The following MRPS27 variants were observed in gnomAD, a reference collection of about 807,000 sequenced individuals.
MRPS27 encodes the protein small ribosomal subunit protein mS27.
Under a neutral mutation model 48.9 loss-of-function variants are expected in MRPS27, and 43 were observed. The observed-to-expected ratio is 0.88, with a 90% confidence interval of 0.69 to 1.13. The LOEUF (loss-of-function observed/expected upper bound fraction) is 1.13, where lower values mean the gene tolerates loss of function less well. Among genes scored for constraint, MRPS27 ranks in the 50% most tolerant of loss-of-function variants. The probability of loss-of-function intolerance (pLI) is 0.00; values close to 1 mark genes in which losing one functional copy is unlikely to be tolerated. For synonymous variants in MRPS27, 188 were observed against 171.9 expected, an observed-to-expected ratio of 1.09 and a Z score of -0.73; for missense variants, 467 against 476.3, an observed-to-expected ratio of 0.98 and a Z score of 0.18.
At chr5:72,317,949 C>T (rs1041077737) in intron 1 of MRPS27, among the ~76,000 whole-genome samples, 1 of 152,114 alleles carries the variant, frequency 6.6e-6, no homozygotes, top group East Asian at 1.9e-4. Flanking sequence ...TTTTGGCTTC[C>T]CTGGTCACAT....
chr5:72,238,877 T>C lies in MRPS27; in HGVS notation c.282-749A>G, dbSNP rs79808039. 3.7e-3 allele frequency among the ~76,000 whole-genome samples: 569 copies of C among 152,224 alleles called. 1 individual carries two copies. The highest frequency in any genetic ancestry group is 0.013 in the African/African-American group (550 of 41,554). On this transcript the variant is annotated intron_variant, in intron 4 of 10. Transcript: ENST00000261413. ...CTGCTTTTTCCTTAGTTCACGCACATTGCTAACACCTGGGATGGAAGCTGC... is the reference window on the plus strand; with the variant it reads ...CTGCTTTTTCCTTAGTTCACGCACACTGCTAACACCTGGGATGGAAGCTGC...
chr5:72,242,686 ACACACACACACACACACACACT>A (rs1345496429), intron 4 of MRPS27, among the ~76,000 whole-genome samples: 553 of 151,422 alleles, frequency 3.7e-3, no homozygotes, highest in African/African-American at 0.013. Flanking sequence ...ACACACACAC[ACACACACACACACACACACACT>A]CACGGCACTC....
chr5:72,238,968 A>C (rs781778700), intron 4 of MRPS27, among the ~76,000 whole-genome samples: 2 of 150,374 alleles, frequency 1.3e-5, no homozygotes, highest in Non-Finnish European at 2.9e-5. Flanking sequence ...ATGGGGGTGG[A>C]AAGGGCTCTG....
chr5:72,251,843 T>C (rs1748674139), intron 4 of MRPS27, among the ~76,000 whole-genome samples: 1 of 152,200 alleles, frequency 6.6e-6, no homozygotes, highest in South Asian at 2.1e-4. Flanking sequence ...CATTTGCTGC[T>C]GAGCAAGCCA....
chr5:72,232,497 T>C lies in MRPS27; in HGVS notation c.537A>G (p.Gln179=). 1 of 1,612,632 alleles carries C rather than the reference T, an allele frequency of 6.2e-7. No individual in the cohort carries two copies. The highest frequency in any genetic ancestry group is 2.2e-5 in the East Asian group (1 of 44,824). The stretch of plus-strand genomic sequence containing the variant: ...GAAATAAAACATAGAGGGAGAGAAG[T>C]TGGGTGGAAGGCACTTCAAAGGCTT... ...MQEAFEVPST[Q]LLSLYVLFHC... is the part of the protein sequence containing the mutation. The change falls in exon 7 of 11, where the codon CAA becomes CAG. Residue 179 remains glutamine, a synonymous_variant. Transcript: ENST00000261413.
intron 4 of MRPS27, among the ~76,000 whole-genome samples, chr5:72,242,439 A>AC (rs1289301926): frequency 1.3e-5 from 2 of 150,472 alleles, no homozygotes; most frequent in Admixed American, 6.6e-5. Flanking sequence ...AAAAAAAAAA[A>AC]AAAAACACCA....
chr5:72,298,626 A>G (rs1750043026), intron 2 of MRPS27, among the ~76,000 whole-genome samples: 1 of 151,330 alleles, frequency 6.6e-6, no homozygotes, highest in Admixed American at 6.6e-5. Context: ...GAATGGCGTG[A>G]ACCCGGGAAG....
At chr5:72,268,570 A>C (rs1749157144) in intron 4 of MRPS27, among the ~76,000 whole-genome samples, 1 of 152,208 alleles carries the variant, frequency 6.6e-6, no homozygotes, top group Non-Finnish European at 1.5e-5. Context: ...TTGAGTGATA[A>C]TGGGAAATAA....
At position 72,220,879 on chromosome 5, in the gene MRPS27, G is replaced by A. The variant is rs776454105; in HGVS notation, c.*30C>T. 2.1e-5 allele frequency: 34 copies of A among 1,612,554 alleles called. No homozygotes were observed. The highest frequency in any genetic ancestry group is 2.9e-5 in the Non-Finnish European group (34 of 1,179,286). On this transcript the variant is annotated 3_prime_UTR_variant, in exon 11 of 11. Coordinates refer to ENST00000261413, the MANE Select transcript of MRPS27 (RefSeq NM_015084.3). ...TGGCACGGGGTTGAGTGAAGTTCTT[G>A]TGAGACAGGTGGGGCCCTGGGGGAC...
At chr5:72,302,785 T>C (rs1750156900) in intron 2 of MRPS27, among the ~76,000 whole-genome samples, 1 of 152,152 alleles carries the variant, frequency 6.6e-6, no homozygotes, top group Admixed American at 6.5e-5. Context: ...ATAAAACCAA[T>C]ACTTGTAAGA....
At chr5:72,241,893 C>T (rs1389776345) in intron 4 of MRPS27, among the ~76,000 whole-genome samples, 2 of 152,162 alleles carry the variant, frequency 1.3e-5, no homozygotes, top group African/African-American at 2.4e-5. Context: ...CCTAGGCCAA[C>T]AGGCTGTCAA....
At chr5:72,314,595 G>A (rs1394419684) in intron 1 of MRPS27, 2 of 164,136 alleles carry the variant, frequency 1.2e-5, no homozygotes, top group East Asian at 1.6e-4. Flanking sequence ...ACACTTGATC[G>A]GTATTGTGCA....
At chr5:72,315,870 C>T (rs530059451) in intron 1 of MRPS27, among the ~76,000 whole-genome samples, 33 of 152,158 alleles carry the variant, frequency 2.2e-4, no homozygotes, top group Admixed American at 5.2e-4. Context: ...CAATTCCACT[C>T]CTAGGTTTAC....
chr5:72,306,779 C>T (rs1750279030), intron 2 of MRPS27, among the ~76,000 whole-genome samples: 1 of 151,980 alleles, frequency 6.6e-6, no homozygotes, highest in Non-Finnish European at 1.5e-5. Context: ...TTTAGAGGTA[C>T]ATATCAAAGT....
intron 1 of MRPS27, chr5:72,319,856 G>A (rs1750700962): frequency 2.6e-6 from 1 of 385,606 alleles, no homozygotes; most frequent in South Asian, 3.2e-5. Flanking sequence ...TGGGTTTTTC[G>A]TGGTCAGCAA....
chr5:72,246,667 T>C (rs1263747574), intron 4 of MRPS27, among the ~76,000 whole-genome samples: 1 of 152,240 alleles, frequency 6.6e-6, no homozygotes, highest in East Asian at 1.9e-4. Context: ...GTAGGGACTT[T>C]CAATATCTAT....
At chr5:72,252,758 A>C (rs1006843897) in intron 4 of MRPS27, among the ~76,000 whole-genome samples, 34 of 152,142 alleles carry the variant, frequency 2.2e-4, no homozygotes, top group African/African-American at 7.5e-4. Flanking sequence ...GGAATGTAGA[A>C]ATGAAAACAA....
intron 1 of MRPS27, among the ~76,000 whole-genome samples, chr5:72,316,458 C>G (rs1750566540): frequency 6.6e-6 from 1 of 152,136 alleles, no homozygotes. Flanking sequence ...ATTTCCACCT[C>G]CCAGGTTCAG....
chr5:72,319,007 A>G (rs1437649233), intron 1 of MRPS27, among the ~76,000 whole-genome samples: 1 of 152,210 alleles, frequency 6.6e-6, no homozygotes, highest in Non-Finnish European at 1.5e-5. Context: ...CTGGTGGCCA[A>G]CTCTGAGGTT....
Sources: gnomAD v4.1 joint callset for allele counts (sites outside exome capture counted in the v4.1 genomes callset) on GRCh38, gnomAD v4.1.1 for gene constraint, MANE v1.5 for transcripts, NCBI Gene and HGNC (gene_info 2026-07-23, HGNC 2026-07-21) for gene names.